EEF1G: variants seen among roughly 807,000 people sequenced by gnomAD.
EEF1G encodes the protein eukaryotic translation elongation factor 1 gamma.
Under a neutral mutation model 58.3 loss-of-function variants are expected in EEF1G, and 14 were observed. The observed-to-expected ratio is 0.24, with a 90% CI of 0.16 to 0.38. The LOEUF is 0.38. Among genes scored for constraint, EEF1G ranks in the 10% least tolerant of loss-of-function variants. The pLI is 1.00. For synonymous variants in EEF1G, 180 were observed against 206.8 expected, an observed-to-expected ratio of 0.87 and a Z score of 1.11; for missense variants, 322 against 550.1, an observed-to-expected ratio of 0.59 and a Z score of 4.15.
At chr11:62,573,699 G>T in intron 1 of EEF1G, 132 bp downstream of exon 1, 2 of 1,305,686 alleles carry the variant, frequency 1.5e-6, no homozygotes, top group Non-Finnish European at 1.1e-6. Flanking sequence ...CTACTCTCCA[G>T]CAGTACAGTC....
At position 62,559,655 on chromosome 11, in the gene EEF1G, C is replaced by T; in HGVS notation, c.*24G>A. ...CATCTCCCTGAAGGGCAGGTGCAGG[C>T]AGCTAGGTGATGGCAAGAGATGTTC... On this transcript the variant is annotated 3_prime_UTR_variant, in exon 10 of 10. Coordinates refer to ENST00000329251, the MANE Select transcript of EEF1G (RefSeq NM_001404.5). The T allele has an allele frequency of 6.2e-7, 1 of 1,612,874 alleles. No homozygotes were observed. The highest frequency in any genetic ancestry group is 8.5e-7 in the Non-Finnish European group (1 of 1,179,090).
rs1263830645 is a variant in EEF1G, at chr11:62,571,653, G to A, written c.265C>T (p.Pro89Ser). The change falls in exon 4 of 10, where the codon CCA becomes TCA. Residue 89 changes from proline (P) to serine (S), a missense_variant. By Grantham distance (74) the Pro-to-Ser change is moderately conservative (BLOSUM62 -1). This residue lies in a region of EEF1G where 52 missense variants were observed against 139.4 expected (regional missense o/e 0.37). Coordinates refer to ENST00000329251, the MANE Select transcript of EEF1G (RefSeq NM_001404.5). ...TGCACCACCTGGGCTGCTGCCTCTG[G>A]AGTACTTCCCCGCAGCTCCTCATTG... ...VSNEELRGSTPEAAAQVVQWV... is the reference protein window; with the variant it reads ...VSNEELRGSTSEAAAQVVQWV... 1 of 1,587,114 alleles carries A rather than the reference G, an allele frequency of 6.3e-7. No homozygotes were observed.
At chr11:62,563,372 G>A (rs142165872) in intron 7 of EEF1G, among the ~76,000 whole-genome samples, 292 of 152,098 alleles carry the variant, frequency 1.9e-3, no homozygotes, top group African/African-American at 6.7e-3. Context: ...TCCTGACCTC[G>A]TGATCCACCC....
chr11:62,572,123 C>T (rs1941641381), intron 2 of EEF1G, among the ~76,000 whole-genome samples: 1 of 151,972 alleles, frequency 6.6e-6, no homozygotes, highest in African/African-American at 2.4e-5. Flanking sequence ...TTGAATATTA[C>T]AGGATATTTG....
intron 2 of EEF1G, 48 bp downstream of exon 2, chr11:62,572,536 G>A (rs1307867747): frequency 6.2e-7 from 1 of 1,605,354 alleles, no homozygotes; most frequent in Non-Finnish European, 8.5e-7. Context: ...AGAATCGCAG[G>A]GCCTTGGTTT....
At chr11:62,572,817 T>C (rs1227725545) in intron 1 of EEF1G, 75 bp from the exon 2 acceptor site, 1 of 1,406,768 alleles carries the variant, frequency 7.1e-7, no homozygotes, top group Non-Finnish European at 9.7e-7. Flanking sequence ...CAGGATGACT[T>C]TCCTGAATAA....
intron 5 of EEF1G, among the ~76,000 whole-genome samples, chr11:62,568,185 G>A (rs1250534825): frequency 4.7e-5 from 7 of 147,608 alleles, no homozygotes; most frequent in African/African-American, 1.3e-4. Flanking sequence ...CGGAGATCGC[G>A]GCACTGCATT....
chr11:62,571,202 G>A (rs1590711439), intron 4 of EEF1G, 94 bp from the exon 5 acceptor site: 6 of 1,570,604 alleles, frequency 3.8e-6, no homozygotes, highest in Non-Finnish European at 4.3e-6. Context: ...TTTTCACCTA[G>A]AAGTCTGAGC....
intron 5 of EEF1G, among the ~76,000 whole-genome samples, chr11:62,569,066 G>A (rs765090196): frequency 6.6e-6 from 1 of 150,784 alleles, no homozygotes; most frequent in Non-Finnish European, 1.5e-5. Context: ...TATCTATATT[G>A]GCCATACTAT....
intron 9 of EEF1G, 67 bp downstream of exon 9, chr11:62,560,002 A>G: frequency 6.2e-7 from 1 of 1,610,220 alleles, no homozygotes; most frequent in Non-Finnish European, 8.5e-7. Flanking sequence ...CAACTCAGAA[A>G]TAAAACACAG....
At chr11:62,573,750 C>A (rs1033547224) in intron 1 of EEF1G, 81 bp downstream of exon 1, 1 of 1,597,538 alleles carries the variant, frequency 6.3e-7, no homozygotes, top group Non-Finnish European at 8.6e-7. Context: ...CCTCAGAACT[C>A]CTCTGGCGCC....
intron 5 of EEF1G, among the ~76,000 whole-genome samples, chr11:62,569,629 T>G (rs1423968485): frequency 6.6e-6 from 1 of 152,192 alleles, no homozygotes; most frequent in Non-Finnish European, 1.5e-5. Flanking sequence ...ACTGTTGTCA[T>G]TTTTTAGTTT....
intron 9 of EEF1G, 111 bp from the exon 10 acceptor site, chr11:62,559,948 C>A: frequency 6.2e-7 from 1 of 1,605,742 alleles, no homozygotes; most frequent in Non-Finnish European, 8.5e-7. Flanking sequence ...TGAACATGAA[C>A]TGCTCCTTCC....
At chr11:62,569,577 T>C (rs1181198465) in intron 5 of EEF1G, among the ~76,000 whole-genome samples, 1 of 152,220 alleles carries the variant, frequency 6.6e-6, no homozygotes, top group Admixed American at 6.5e-5. Context: ...CAGCTTCAGG[T>C]AGAACTGTTG....
intron 4 of EEF1G, 48 bp downstream of exon 4, chr11:62,571,492 G>A (rs1394503728): frequency 6.4e-7 from 1 of 1,556,906 alleles, no homozygotes; most frequent in Admixed American, 1.9e-5. Flanking sequence ...ACACCCAGGA[G>A]CTGATGCCAC....
At chr11:62,567,078 C>G in intron 6 of EEF1G, 68 bp from the exon 7 acceptor site, 1 of 1,522,862 alleles carries the variant, frequency 6.6e-7, no homozygotes, top group Non-Finnish European at 9.0e-7. Flanking sequence ...CAAAACCACA[C>G]AGAGCAAGCA....
At chr11:62,564,684 G>A (rs868336378) in intron 7 of EEF1G, among the ~76,000 whole-genome samples, 2 of 146,550 alleles carry the variant, frequency 1.4e-5, no homozygotes, top group African/African-American at 2.5e-5. Context: ...GCTTGAACCC[G>A]GCAGGTGGAG....
intron 1 of EEF1G, 44 bp downstream of exon 1, chr11:62,573,787 G>A: frequency 6.2e-7 from 1 of 1,613,168 alleles, no homozygotes; most frequent in Non-Finnish European, 8.5e-7. Context: ...GCAAAGGATG[G>A]CGGTGGATAG....
intron 7 of EEF1G, 70 bp downstream of exon 7, chr11:62,566,736 G>A (rs1941559497): frequency 2.1e-6 from 3 of 1,421,082 alleles, no homozygotes; most frequent in Admixed American, 3.9e-5. Context: ...AGCTGTGTGT[G>A]AGGGGGGACA....
Sources: allele counts gnomAD v4.1 joint callset (sites outside exome capture counted in the v4.1 genomes callset), GRCh38; gene constraint gnomAD v4.1.1; regional missense constraint gnomAD v4.1.1; transcripts MANE v1.5; gene names NCBI Gene and HGNC (gene_info 2026-07-23, HGNC 2026-07-21).